The following CNOT1 variants were observed in gnomAD, a reference collection of about 807,000 sequenced individuals.
CNOT1 encodes the protein CCR4-associated factor 1.
A neutral mutation model predicts 273.8 loss-of-function variants in CNOT1; 15 were observed. The observed-to-expected ratio is 0.05, with a 90% CI of 0.04 to 0.08. The LOEUF (loss-of-function observed/expected upper bound fraction) is 0.08. Ranked by LOEUF, CNOT1 falls within the 10% of genes least tolerant of loss-of-function variation. CNOT1 has a pLI of 1.00. For synonymous variants in CNOT1, 1,022 were observed against 1,005.5 expected (o/e 1.02, Z -0.31); for missense variants, 1,644 against 2,912.2 (o/e 0.56, Z 10.02).
intron 8 of CNOT1, among the ~76,000 whole-genome samples, chr16:58,584,744 AT>A (rs2041778094): frequency 6.6e-6 from 1 of 152,108 alleles, no homozygotes. Context: ...TGAGAATGTG[AT>A]TTGTCTGAGA....
rs1332922195 is a variant in CNOT1 at position 58,531,450 on chromosome 16, A to G, written c.6177+508T>C. Among the ~76,000 whole-genome samples, 3 of 152,206 alleles carry G rather than the reference A, an allele frequency of 2.0e-5. No individual in the cohort carries two copies. In the East Asian group the frequency reaches 5.8e-4, roughly 29 times the overall value. On this transcript the variant is annotated intron_variant, in intron 42 of 48. Transcript: ENST00000317147. ...AATAGAACTTGATCATAATCCTTCA[A>G]AATAACATAGCCAGTAGTCCTCAAC...
Position 58,551,659 on chromosome 16 carries a change from G to C in CNOT1, c.3131C>G (p.Thr1044Arg). The C allele has an allele frequency of 6.2e-7, 1 of 1,614,224 alleles. No homozygotes were observed. The highest frequency in any genetic ancestry group is 8.5e-7 in the Non-Finnish European group (1 of 1,180,036). ...AACCGTTTTAGCAACAGTGGTAGTT[G>C]TTGAGGTGGTTACCATAGTGCTAAC... ...GQVSTMVTTS[T>R]TTTVAKTVTV... The change falls in exon 23 of 49, where the codon ACA becomes AGA. Residue 1044 changes from threonine to arginine, a missense_variant. Thr to Arg is a moderately conservative substitution (Grantham distance 71, BLOSUM62 -1). Around this residue, in one of 13 missense-constraint regions of CNOT1, gnomAD observed 77 missense variants for 90.5 expected, o/e 0.85. Coordinates refer to ENST00000317147, the MANE Select transcript of CNOT1 (RefSeq NM_016284.5).
At chr16:58,626,189 C>G (rs1032681825) in intron 1 of CNOT1, among the ~76,000 whole-genome samples, 4 of 152,056 alleles carry the variant, frequency 2.6e-5, no homozygotes, top group African/African-American at 9.7e-5. Flanking sequence ...AGGCAGATCA[C>G]CTGAGGTCAG....
chr16:58,629,137 C>T (rs1460390093), intron 1 of CNOT1, among the ~76,000 whole-genome samples: 1 of 152,258 alleles, frequency 6.6e-6, no homozygotes, highest in Non-Finnish European at 1.5e-5. Flanking sequence ...TCCCGCCCGC[C>T]CTTCCCATCC....
intron 16 of CNOT1, among the ~76,000 whole-genome samples, chr16:58,572,399 C>T (rs1422414943): frequency 6.6e-6 from 1 of 152,028 alleles, no homozygotes; most frequent in Non-Finnish European, 1.5e-5. Context: ...CTTCTGGAGG[C>T]CAAAGTGGTA....
chr16:58,543,339 A>G (rs765707192), intron 31 of CNOT1: 1 of 1,549,290 alleles, frequency 6.5e-7, no homozygotes, highest in South Asian at 1.2e-5. Flanking sequence ...TCCTTTTTAA[A>G]TCTTAATTTA....
rs75536385 is a variant in CNOT1, at chr16:58,548,512, C to T, written c.3523-830G>A. 532 of 518,872 alleles carry T rather than the reference C, an allele frequency of 1.0e-3. 7 individuals are homozygous for T. In the East Asian group the frequency reaches 0.026, roughly 25 times the overall value. 32.1% of individuals were successfully genotyped at this position (518,872 alleles called of 1,614,324 possible). On this transcript the variant is annotated intron_variant, in intron 25 of 48. Coordinates refer to ENST00000317147, the MANE Select transcript of CNOT1 (RefSeq NM_016284.5). ...AACGAAATAGAGCCATGTTCCTTAA[C>T]TCTATACAGCAACAGCAGAATGGCA...
intron 1 of CNOT1, among the ~76,000 whole-genome samples, chr16:58,601,847 G>C (rs2042478439): frequency 1.3e-5 from 2 of 148,232 alleles, no homozygotes; most frequent in African/African-American, 5.0e-5. Context: ...GGCCAGCCTG[G>C]GCAATATGGC....
chr16:58,550,462 A>C (rs2040413107), intron 24 of CNOT1, among the ~76,000 whole-genome samples: 1 of 152,172 alleles, frequency 6.6e-6, no homozygotes, highest in African/African-American at 2.4e-5. Context: ...ATCCATTTCC[A>C]CTTAACAGAT....
intron 19 of CNOT1, among the ~76,000 whole-genome samples, 189 bp downstream of exon 19, chr16:58,556,658 C>T (rs1296140342): frequency 6.6e-6 from 1 of 152,208 alleles, no homozygotes; most frequent in East Asian, 1.9e-4. Context: ...CAGGATGCAG[C>T]CTCTTATTAA....
intron 17 of CNOT1, 40 bp from the exon 18 acceptor site, chr16:58,558,714 G>A (rs141484891): frequency 1.3e-5 from 20 of 1,585,586 alleles, no homozygotes; most frequent in East Asian, 2.3e-5. Flanking sequence ...AACATACTTC[G>A]AGGAAAGGCA....
chr16:58,522,779 C>G (rs1214236944), intron 47 of CNOT1, among the ~76,000 whole-genome samples: 1 of 152,198 alleles, frequency 6.6e-6, no homozygotes, highest in Non-Finnish European at 1.5e-5. Flanking sequence ...AACTCCTGAC[C>G]TTTAATCAAA....
At chr16:58,619,977 C>T (rs997419890) in intron 1 of CNOT1, among the ~76,000 whole-genome samples, 3 of 152,010 alleles carry the variant, frequency 2.0e-5, no homozygotes, top group African/African-American at 7.3e-5. Context: ...AACTAAAATC[C>T]TGACCTACAT....
chr16:58,623,059 G>A (rs1052092098), intron 1 of CNOT1, among the ~76,000 whole-genome samples: 6 of 151,730 alleles, frequency 4.0e-5, no homozygotes, highest in African/African-American at 7.3e-5. Flanking sequence ...TTAGCCAAGC[G>A]TGGTGGCAGG....
intron 16 of CNOT1, among the ~76,000 whole-genome samples, chr16:58,574,307 C>A (rs780012188): frequency 6.6e-6 from 1 of 151,796 alleles, no homozygotes; most frequent in Non-Finnish European, 1.5e-5. Context: ...AACCCATGCA[C>A]TATGGGCAAT....
chr16:58,526,251 TG>T (rs1318537369), intron 44 of CNOT1, 113 bp from the exon 45 acceptor site: 10 of 1,005,726 alleles, frequency 9.9e-6, no homozygotes, highest in Non-Finnish European at 1.5e-5. Context: ...ATAAATGCCT[TG>T]AAGAGCACAG....
intron 40 of CNOT1, 32 bp from the exon 41 acceptor site, chr16:58,532,427 C>T (rs913082363): frequency 6.2e-7 from 1 of 1,602,166 alleles, no homozygotes; most frequent in African/African-American, 1.3e-5. Flanking sequence ...GCTTGTAAAT[C>T]ATTCAGATAA....
Position 58,558,654 on chromosome 16 carries a change from C to T in CNOT1, c.2151G>A (p.Met717Ile). Residue 717 changes from methionine (M) to isoleucine (I), a missense_variant, in exon 18 of 49, where the codon ATG becomes ATA. Physicochemically the swap from Met to Ile is conservative, Grantham distance 10. Around this residue, in one of 13 missense-constraint regions of CNOT1, gnomAD observed 706 missense variants for 1,021.2 expected, o/e 0.69. Coordinates refer to ENST00000317147, the MANE Select transcript of CNOT1 (RefSeq NM_016284.5). ...CTGAACCACCTATACTAAGAGATGT[C>T]ATTCCAGCAAGAGGGTCAATCTAAA... ...SPVQIDPLAG[M>I]TSLSIGGSAA... 1.2e-6 allele frequency: 2 copies of T among 1,613,776 alleles called. No homozygotes were observed. The highest frequency in any genetic ancestry group is 1.7e-6 in the Non-Finnish European group (2 of 1,179,882).
At position 58,546,276 on chromosome 16, in the gene CNOT1, T is replaced by C. The variant is rs1350774242; in HGVS notation, c.4006+45A>G. 3.3e-6 allele frequency: 5 copies of C among 1,494,822 alleles called. No homozygotes were observed. The Admixed American group carries it at 8.7e-5, about 26-fold the overall frequency. The allele number at this position is 1,494,822 out of a possible 1,614,324, so 92.6% of individuals were successfully genotyped here. A position where few individuals can be genotyped will look rare whatever the true frequency, so the allele number is the denominator to read the frequency against. Reference sequence around the variant, plus strand: ...CATGGACAAGTACCATTTAAGATAGTATCCTAGCTAACAGAAGCCTTCCTT... The same window carrying C: ...CATGGACAAGTACCATTTAAGATAGCATCCTAGCTAACAGAAGCCTTCCTT... On this transcript the variant is annotated intron_variant, in intron 29 of 48. Coordinates refer to ENST00000317147, the MANE Select transcript of CNOT1 (RefSeq NM_016284.5).
Sources: gnomAD v4.1 joint callset for allele counts (sites outside exome capture counted in the v4.1 genomes callset) on GRCh38, gnomAD v4.1.1 for gene constraint, gnomAD v4.1.1 regional missense constraint, MANE v1.5 for transcripts, NCBI Gene and HGNC (gene_info 2026-07-23, HGNC 2026-07-21) for gene names.